The following TBL1X variants were observed in gnomAD, a reference collection of about 807,000 sequenced individuals.
TBL1X encodes the protein F-box-like/WD repeat-containing protein TBL1X.
A neutral mutation model predicts 50.7 loss-of-function variants in TBL1X; 10 were observed. The ratio of observed to expected loss-of-function variants is 0.20; its 90% CI spans 0.12 to 0.33. TBL1X has a LOEUF of 0.33. Among genes scored for constraint, TBL1X ranks in the 10% least tolerant of loss-of-function variants. The pLI is 1.00. For missense variants in TBL1X, 340 were observed against 504.4 expected (o/e 0.67, Z 3.12); for synonymous variants, 190 against 214.7 (o/e 0.88, Z 1.01).
At chrX:9,675,321 G>C (rs2082986795) in intron 5 of TBL1X, among the ~76,000 whole-genome samples, 1 of 111,869 alleles carries the variant, frequency 8.9e-6, no homozygotes, top group Non-Finnish European at 1.9e-5. Flanking sequence ...TGGCAGGAAG[G>C]AGGAAAAGAT....
intron 2 of TBL1X, among the ~76,000 whole-genome samples, chrX:9,596,366 C>T (rs924306029): frequency 1.8e-5 from 2 of 111,952 alleles, no homozygotes; most frequent in African/African-American, 6.5e-5. Context: ...AAGGGGTCAG[C>T]AAAATTGGCC....
intron 1 of TBL1X, among the ~76,000 whole-genome samples, chrX:9,480,757 A>AAC (rs2081877214): frequency 2.1e-5 from 1 of 46,901 alleles, no homozygotes; most frequent in Non-Finnish European, 4.2e-5. Context: ...AAATTAAGCC[A>AAC]CCCCCCCCCC....
chrX:9,710,528 C>T (rs974099281), intron 15 of TBL1X, among the ~76,000 whole-genome samples: 5 of 111,789 alleles, frequency 4.5e-5, no homozygotes, highest in African/African-American at 6.5e-5. Context: ...GGTGCTTTTG[C>T]GTCGCGTGGT....
intron 11 of TBL1X, among the ~76,000 whole-genome samples, chrX:9,697,168 T>G (rs749855794): frequency 8.9e-6 from 1 of 112,410 alleles, no homozygotes; most frequent in Non-Finnish European, 1.9e-5. Flanking sequence ...ATATAATAGA[T>G]TGCTAATGAA....
intron 2 of TBL1X, among the ~76,000 whole-genome samples, chrX:9,596,982 G>A (rs769240703): frequency 1.6e-4 from 18 of 111,269 alleles, no homozygotes; most frequent in African/African-American, 5.6e-4. Context: ...CATGGCCCAT[G>A]GTTTCCTATA....
chrX:9,471,398 C>G (rs1175250114), intron 1 of TBL1X, among the ~76,000 whole-genome samples: 3 of 111,942 alleles, frequency 2.7e-5, no homozygotes, highest in Admixed American at 9.5e-5. Flanking sequence ...CTTTTCCTCC[C>G]TCCCAGGTGT....
chrX:9,712,537 A>T (rs1451342246), intron 16 of TBL1X, among the ~76,000 whole-genome samples: 1 of 111,789 alleles, frequency 8.9e-6, no homozygotes, highest in Non-Finnish European at 1.9e-5. Context: ...AGGGTTTCAC[A>T]TGTTGGCCAG....
intron 5 of TBL1X, among the ~76,000 whole-genome samples, chrX:9,674,331 C>A (rs2082978024): frequency 9.0e-6 from 1 of 110,678 alleles, no homozygotes; most frequent in African/African-American, 3.3e-5. Context: ...ATGATCTTGC[C>A]TCACTGCAGC....
At chrX:9,630,165 A>G (rs1295586062) in intron 2 of TBL1X, among the ~76,000 whole-genome samples, 1 of 111,797 alleles carries the variant, frequency 8.9e-6, no homozygotes, top group Non-Finnish European at 1.9e-5. Context: ...GTCTCCTTCT[A>G]ACAGACCGGC....
At chrX:9,565,271 C>CAAAAAAAAAAAA (rs757679440) in intron 2 of TBL1X, among the ~76,000 whole-genome samples, 5 of 37,390 alleles carry the variant, frequency 1.3e-4, no homozygotes, top group African/African-American at 4.4e-4. Flanking sequence ...GACTCCGTCT[C>CAAAAAAAAAAAA]AAAAAAAAAA....
chrX:9,610,024 A>G (rs1450796197), intron 2 of TBL1X, among the ~76,000 whole-genome samples: 2 of 112,897 alleles, frequency 1.8e-5, no homozygotes, highest in African/African-American at 6.4e-5. Context: ...TTGCTGGTCC[A>G]TTAGCCTCCT....
chrX:9,546,719 C>T lies in TBL1X; in HGVS notation c.-131+44870C>T, dbSNP rs755487789. ...ATGATGCATTTCTAATTCTTCTATTCATTTTTCATTTAGTAGTTGGCATTC... is the reference window on the plus strand; with the variant it reads ...ATGATGCATTTCTAATTCTTCTATTTATTTTTCATTTAGTAGTTGGCATTC... On this transcript the variant is annotated intron_variant, in intron 2 of 17. Coordinates refer to ENST00000645353, the MANE Select transcript of TBL1X (RefSeq NM_005647.4). 1.9e-3 allele frequency among the ~76,000 whole-genome samples: 198 copies of T among 106,563 alleles called. 3 individuals carry two copies. Among genetic ancestry groups the T allele is most frequent in the South Asian group, 2.0e-3 (5 of 2,540 alleles). 92.5% of individuals were successfully genotyped at this position (106,563 alleles called of 115,157 possible).
chrX:9,654,444 A>C (rs1262089656), intron 5 of TBL1X, 122 bp downstream of exon 5: 3 of 769,273 alleles, frequency 3.9e-6, no homozygotes, highest in African/African-American at 2.1e-5. Context: ...GAAGGTTCTT[A>C]GTGCTGATGG....
intron 2 of TBL1X, among the ~76,000 whole-genome samples, chrX:9,592,918 G>T (rs1374526822): frequency 9.0e-6 from 1 of 110,850 alleles, no homozygotes; most frequent in Non-Finnish European, 1.9e-5. Context: ...GTGCCCATGG[G>T]TCTGTCCATT....
intron 2 of TBL1X, among the ~76,000 whole-genome samples, chrX:9,527,800 CTT>C (rs1415510471): frequency 9.1e-6 from 1 of 110,484 alleles, no homozygotes. Context: ...AACTCCCAAA[CTT>C]TTTCTTTTTC....
intron 7 of TBL1X, among the ~76,000 whole-genome samples, chrX:9,689,063 T>G (rs749133317): frequency 6.2e-5 from 7 of 113,669 alleles, no homozygotes; most frequent in Admixed American, 1.8e-4. Context: ...TGTGCGCACC[T>G]GTGTTCCTGT....
intron 2 of TBL1X, among the ~76,000 whole-genome samples, chrX:9,603,925 C>CT (rs1452867957): frequency 3.6e-5 from 4 of 111,487 alleles, no homozygotes; most frequent in Admixed American, 9.5e-5. Context: ...CTGGGTGTCT[C>CT]TGTCTTCTTG....
At chrX:9,635,174 G>T (rs1250327306) in intron 2 of TBL1X, among the ~76,000 whole-genome samples, 1 of 110,762 alleles carries the variant, frequency 9.0e-6, no homozygotes, top group Non-Finnish European at 1.9e-5. Flanking sequence ...GCACCCGAAG[G>T]AATTTTATCA....
chrX:9,699,909 G>A (rs1236870759), intron 12 of TBL1X, among the ~76,000 whole-genome samples: 1 of 111,582 alleles, frequency 9.0e-6, no homozygotes, highest in East Asian at 2.8e-4. Flanking sequence ...TGCTTTAATT[G>A]ACACTGTTGA....
Sources: allele counts gnomAD v4.1 joint callset (sites outside exome capture counted in the v4.1 genomes callset), GRCh38; gene constraint gnomAD v4.1.1; transcripts MANE v1.5; gene names NCBI Gene and HGNC (gene_info 2026-07-23, HGNC 2026-07-21).